The following ANKRD55 variants were observed in gnomAD, a reference collection of about 807,000 sequenced individuals.
ANKRD55 encodes the protein ankyrin repeat domain-containing protein 55.
A neutral mutation model predicts 60.6 loss-of-function variants in ANKRD55; 41 were observed. That is an observed-to-expected ratio of 0.68 (90% CI 0.53 to 0.88). The LOEUF is 0.88. Ranked by LOEUF, ANKRD55 falls within the 40% of genes least tolerant of loss-of-function variation. The probability of loss-of-function intolerance (pLI) is 0.00; values close to 1 mark genes in which losing one functional copy is unlikely to be tolerated. For synonymous variants in ANKRD55, 264 were observed against 290.3 expected (o/e 0.91, Z 0.92); for missense variants, 732 against 767.6 (o/e 0.95, Z 0.55).
At chr5:56,198,073 AT>A (rs1759266901) in intron 2 of ANKRD55, among the ~76,000 whole-genome samples, 2 of 151,988 alleles carry the variant, frequency 1.3e-5, no homozygotes. Flanking sequence ...ACTAATTCCC[AT>A]TTTCTAGTTA....
At chr5:56,208,415 ATTT>A (rs57067941) in intron 2 of ANKRD55, among the ~76,000 whole-genome samples, 49,586 of 151,082 alleles carry the variant, frequency 0.33, 9,724 homozygotes, top group African/African-American at 0.55. Flanking sequence ...TAAAAAAAAT[ATTT>A]ATTTATTTAT....
chr5:56,226,178 C>T (rs1281587938), intron 2 of ANKRD55, among the ~76,000 whole-genome samples: 4 of 152,146 alleles, frequency 2.6e-5, no homozygotes, highest in Non-Finnish European at 5.9e-5. Context: ...AATAATACCA[C>T]ACATCTAAAA....
At position 56,170,702 on chromosome 5, in the gene ANKRD55, G is replaced by A. The variant is rs779467890; in HGVS notation, c.414C>T (p.Pro138=). The part of the protein sequence containing the change: ...RLPLHAATAE[P]DMRLLTVLLQ... The stretch of plus-strand genomic sequence containing the variant: ...TAAACCTGGCCACTTACCTCATATC[G>A]GGCTCAGCAGTGGCAGCATGCAGTG... Residue 138 remains proline, a synonymous_variant, in exon 5 of 12, where the codon CCC becomes CCT. Transcript: ENST00000341048. 3.1e-6 allele frequency: 5 copies of A among 1,613,662 alleles called. No homozygotes were observed. Among genetic ancestry groups the A allele is most frequent in the Admixed American group, 3.3e-5 (2 of 59,978 alleles).
chr5:56,172,600 AAAG>A (rs1185014994), intron 4 of ANKRD55, among the ~76,000 whole-genome samples: 1 of 152,182 alleles, frequency 6.6e-6, no homozygotes, highest in Non-Finnish European at 1.5e-5. Context: ...CTGAAGATAA[AAAG>A]AAGAAAACCA....
At chr5:56,149,835 AC>A (rs1302929432) in intron 6 of ANKRD55, among the ~76,000 whole-genome samples, 2 of 151,094 alleles carry the variant, frequency 1.3e-5, no homozygotes, top group African/African-American at 4.9e-5. Flanking sequence ...CTTTATTTTC[AC>A]TAACTTCTTT....
chr5:56,205,996 A>C (rs113694929), intron 2 of ANKRD55, among the ~76,000 whole-genome samples: 6 of 137,050 alleles, frequency 4.4e-5, no homozygotes, highest in African/African-American at 1.8e-4. Context: ...TTTCCTGGAG[A>C]CAGAGTCTGA....
chr5:56,115,794 TTTA>T (rs1446127265), intron 9 of ANKRD55, among the ~76,000 whole-genome samples: 3 of 152,216 alleles, frequency 2.0e-5, no homozygotes, highest in Non-Finnish European at 2.9e-5. Context: ...AAATGTAATG[TTTA>T]TTATTAATTT....
intron 2 of ANKRD55, among the ~76,000 whole-genome samples, chr5:56,184,481 A>G (rs1326435429): frequency 6.6e-6 from 1 of 152,216 alleles, no homozygotes; most frequent in Non-Finnish European, 1.5e-5. Context: ...TCTTCATTTC[A>G]ACCACCTGAG....
Position 56,140,489 on chromosome 5 carries a change from T to C in ANKRD55, c.612+3312A>G, listed in dbSNP as rs183493810. On this transcript the variant is annotated intron_variant, in intron 7 of 11. Transcript: ENST00000341048. ...AATGCAAACATGCTCACACACCATA[T>C]ATACAGTATTACATACAATTGTAGG... 6.8e-3 allele frequency among the ~76,000 whole-genome samples: 1,031 copies of C among 152,322 alleles called. 8 individuals are homozygous for C. Among genetic ancestry groups the C allele is most frequent in the South Asian group, 0.015 (74 of 4,832 alleles).
intron 2 of ANKRD55, among the ~76,000 whole-genome samples, chr5:56,205,959 TTTTC>T (rs1437516534): frequency 1.3e-5 from 2 of 150,294 alleles, no homozygotes; most frequent in Admixed American, 6.6e-5. Flanking sequence ...ATGCATTTTT[TTTTC>T]TTTCTTTCTT....
intron 8 of ANKRD55, among the ~76,000 whole-genome samples, chr5:56,122,934 G>A (rs143082679): frequency 0.022 from 3,275 of 151,688 alleles, 148 homozygotes; most frequent in African/African-American, 0.076. Context: ...TCCGGCTAAT[G>A]TTTGTATTTT....
intron 2 of ANKRD55, among the ~76,000 whole-genome samples, chr5:56,195,856 A>G (rs1391824430): frequency 6.6e-6 from 1 of 152,236 alleles, no homozygotes; most frequent in Non-Finnish European, 1.5e-5. Context: ...CTCTGCCCAC[A>G]TAGTGAAAAC....
intron 2 of ANKRD55, among the ~76,000 whole-genome samples, chr5:56,200,646 A>G (rs969255916): frequency 3.9e-5 from 6 of 152,122 alleles, no homozygotes; most frequent in Admixed American, 3.9e-4. Context: ...CCTTGACTGC[A>G]TCGGTTACTG....
At chr5:56,189,590 G>A (rs1759046836) in intron 2 of ANKRD55, among the ~76,000 whole-genome samples, 1 of 152,202 alleles carries the variant, frequency 6.6e-6, no homozygotes, top group Non-Finnish European at 1.5e-5. Context: ...GTCCTTTCGT[G>A]ACTGGCTTAT....
intron 2 of ANKRD55, among the ~76,000 whole-genome samples, chr5:56,195,356 T>C (rs1195228578): frequency 6.6e-6 from 1 of 152,234 alleles, no homozygotes; most frequent in Admixed American, 6.5e-5. Flanking sequence ...AGATTATCTT[T>C]AGTGGCACAA....
chr5:56,105,238 C>A (rs1460992011), intron 10 of ANKRD55, among the ~76,000 whole-genome samples: 3 of 152,150 alleles, frequency 2.0e-5, no homozygotes, highest in African/African-American at 4.8e-5. Flanking sequence ...AGGCGTGCGC[C>A]ACCACACCAG....
chr5:56,116,689 A>C lies in ANKRD55; in HGVS notation c.891T>G (p.Asn297Lys), dbSNP rs950203525. ...LGMDSNLRDI[N>K]ESTPLAYALY... ...GGGCATAGGCCAAGGGCGTGCTCTC[A>C]TTGATGTCCCGCAGGTTGCTGTCCA... The change falls in exon 9 of 12, where the codon AAT becomes AAG. Residue 297 changes from asparagine to lysine, a missense_variant. Coordinates refer to ENST00000341048, the MANE Select transcript of ANKRD55 (RefSeq NM_024669.3). The C allele has an allele frequency of 6.2e-7, 1 of 1,614,116 alleles. No homozygotes were observed. Among genetic ancestry groups the C allele is most frequent in the East Asian group, 2.2e-5 (1 of 44,866 alleles).
At chr5:56,199,647 T>C (rs1759313477) in intron 2 of ANKRD55, among the ~76,000 whole-genome samples, 1 of 151,548 alleles carries the variant, frequency 6.6e-6, no homozygotes, top group African/African-American at 2.4e-5. Flanking sequence ...TCCCAGCACT[T>C]TGGGAGGCCG....
rs953730768 is a variant in ANKRD55, at chr5:56,134,546, T to C, written c.613-7440A>G. 6.6e-5 allele frequency among the ~76,000 whole-genome samples: 8 copies of C among 120,652 alleles called. 1 individual carries two copies. The highest frequency in any genetic ancestry group is 7.3e-5 in the Non-Finnish European group (4 of 54,528). The allele number at this position is 120,652 out of a possible 152,430, so 79.2% of individuals were successfully genotyped here. A position where few individuals can be genotyped will look rare whatever the true frequency, so the allele number is the denominator to read the frequency against. ...GTGAGCCGAGATCGTGTCATTGCAC[T>C]CCAGCCTGGGTGACAGAGTGAGAGA... On this transcript the variant is annotated intron_variant, in intron 7 of 11. Transcript: ENST00000341048.
Sources: gnomAD v4.1 joint callset for allele counts (sites outside exome capture counted in the v4.1 genomes callset) on GRCh38, gnomAD v4.1.1 for gene constraint, MANE v1.5 for transcripts, NCBI Gene and HGNC (gene_info 2026-07-23, HGNC 2026-07-21) for gene names.